The following NBEA variants were observed in gnomAD, a reference collection of about 807,000 sequenced individuals.
NBEA encodes the protein lysosomal-trafficking regulator 2.
Under a neutral mutation model 343.4 loss-of-function variants are expected in NBEA, and 44 were observed. The observed-to-expected ratio is 0.13, with a 90% CI of 0.10 to 0.16. NBEA has a LOEUF of 0.16. Among genes scored for constraint, NBEA ranks in the 10% least tolerant of loss-of-function variants. The probability of loss-of-function intolerance (pLI) is 1.00; values close to 1 mark genes in which losing one functional copy is unlikely to be tolerated. For missense variants in NBEA, 2,555 were observed against 3,631.3 expected (o/e 0.70, Z 7.62); for synonymous variants, 1,175 against 1,238.7 (o/e 0.95, Z 1.08).
intron 41 of NBEA, among the ~76,000 whole-genome samples, chr13:35,529,240 A>G (rs1276825726): frequency 1.3e-5 from 2 of 152,156 alleles, no homozygotes; most frequent in African/African-American, 4.8e-5. Context: ...CTAACTTCAT[A>G]TTTTCAGTAG....
At chr13:35,093,194 A>G (rs562532265) in intron 10 of NBEA, among the ~76,000 whole-genome samples, 3 of 151,998 alleles carry the variant, frequency 2.0e-5, no homozygotes, top group Non-Finnish European at 4.4e-5. Context: ...AGGTGTGGCT[A>G]TAAAGCTGAA....
chr13:35,272,821 G>A (rs1321352303), intron 34 of NBEA, among the ~76,000 whole-genome samples: 2 of 152,024 alleles, frequency 1.3e-5, no homozygotes, highest in African/African-American at 2.4e-5. Context: ...AAATATATAC[G>A]TGCCCAATAT....
chr13:35,295,461 AT>A (rs2036063719), intron 35 of NBEA, among the ~76,000 whole-genome samples: 1 of 152,042 alleles, frequency 6.6e-6, no homozygotes, highest in African/African-American at 2.4e-5. Context: ...AAGGGGTCAA[AT>A]TTGGGCATTT....
chr13:35,639,270 A>G (rs1394401665), intron 49 of NBEA, among the ~76,000 whole-genome samples: 2 of 152,212 alleles, frequency 1.3e-5, no homozygotes, highest in Admixed American at 1.3e-4. Flanking sequence ...TTATAAAGCA[A>G]GAAACAACAA....
At chr13:35,579,998 T>G (rs9600981) in intron 45 of NBEA, among the ~76,000 whole-genome samples, 16,211 of 152,138 alleles carry the variant, frequency 0.11, 1,061 homozygotes, top group African/African-American at 0.18. Flanking sequence ...GAATGTGAAT[T>G]TTTTTACATT....
In NBEA at chr13:35,113,883, G is replaced by C. The variant is rs2066360181; in HGVS notation, c.2002+2905G>C. ...TTCATGGATTTAGTCCTAGGGCTGT[G>C]GTTTGTCTGTCTCCTGGGTTGTATC... On this transcript the variant is annotated intron_variant, in intron 13 of 58. Coordinates refer to ENST00000379939, the MANE Select transcript of NBEA (RefSeq NM_001385012.1). Among the ~76,000 whole-genome samples the C allele has an allele frequency of 2.0e-5, 3 of 152,230 alleles. 1 individual carries two copies. The South Asian group carries it at 6.2e-4, about 32-fold the overall frequency.
rs572782950 is a variant in NBEA, at chr13:34,997,343, C to T, written c.295-43590C>T. On this transcript the variant is annotated intron_variant, in intron 1 of 58. Transcript: ENST00000379939. ...CTGGGCTCTCCATGAGGGAACAATTCGAATAGATGGTTTGTAACGTCTTTT... is the reference window on the plus strand; with the variant it reads ...CTGGGCTCTCCATGAGGGAACAATTTGAATAGATGGTTTGTAACGTCTTTT... Among the ~76,000 whole-genome samples, 324 of 152,242 alleles carry T rather than the reference C, an allele frequency of 2.1e-3. 1 individual carries two copies. Among genetic ancestry groups the T allele is most frequent in the Non-Finnish European group, 3.8e-3 (260 of 67,988 alleles).
rs188776768 is a variant in NBEA, at chr13:35,333,651, T to A, written c.5904-15457T>A. Among the ~76,000 whole-genome samples the A allele has an allele frequency of 8.4e-3, 1,277 of 152,248 alleles. 17 individuals are homozygous for A. Among genetic ancestry groups the A allele is most frequent in the Non-Finnish European group, 9.7e-3 (661 of 68,006 alleles). ...GGCCTTATTCATTCTTTCTAATTAA[T>A]TTTTTTGTACCATTAACCACCCCTA... On this transcript the variant is annotated intron_variant, in intron 36 of 58. Transcript: ENST00000379939.
chr13:34,986,262 G>A (rs751246713), intron 1 of NBEA, among the ~76,000 whole-genome samples: 11 of 150,670 alleles, frequency 7.3e-5, no homozygotes, highest in Admixed American at 2.7e-4. Context: ...TTCAAAGAAC[G>A]TCTTTATTTC....
intron 41 of NBEA, among the ~76,000 whole-genome samples, chr13:35,533,963 G>C (rs1241263147): frequency 6.6e-6 from 1 of 152,130 alleles, no homozygotes; most frequent in Non-Finnish European, 1.5e-5. Context: ...GGAGAGCAAA[G>C]TTTTAATAAC....
chr13:35,474,190 G>C (rs989047849), intron 41 of NBEA: 8 of 152,556 alleles, frequency 5.2e-5, no homozygotes, highest in African/African-American at 1.4e-4. Context: ...AATTTAAAGT[G>C]AGACACAACA....
intron 6 of NBEA, among the ~76,000 whole-genome samples, chr13:35,054,851 C>T (rs1318759930): frequency 1.3e-5 from 2 of 151,852 alleles, no homozygotes; most frequent in African/African-American, 2.4e-5. Context: ...ACCATGTTGG[C>T]CAGCCTGGTC....
Position 35,619,676 on chromosome 13 carries a change from A to T in NBEA, c.7450-8405A>T, listed in dbSNP as rs140246458. On this transcript the variant is annotated intron_variant, in intron 48 of 58. Coordinates refer to ENST00000379939, the MANE Select transcript of NBEA (RefSeq NM_001385012.1). The stretch of plus-strand genomic sequence containing the variant: ...CCCAATTCCCTAGCTTGAGACTCTC[A>T]ACTGCATTCAGGTGTGTCTGCCATA... 3.2e-3 allele frequency among the ~76,000 whole-genome samples: 488 copies of T among 152,206 alleles called. 3 individuals carry two copies. Among genetic ancestry groups the T allele is most frequent in the African/African-American group, 0.011 (471 of 41,538 alleles).
At chr13:35,111,503 C>T (rs1258042159) in intron 13 of NBEA, among the ~76,000 whole-genome samples, 1 of 151,640 alleles carries the variant, frequency 6.6e-6, no homozygotes, top group Non-Finnish European at 1.5e-5. Context: ...AGAATAATTA[C>T]TGATATGATT....
At chr13:35,660,890 A>T (rs2085059762) in intron 55 of NBEA, among the ~76,000 whole-genome samples, 1 of 152,248 alleles carries the variant, frequency 6.6e-6, no homozygotes, top group African/African-American at 2.4e-5. Flanking sequence ...GTAAGATCAG[A>T]GGAAGTGTAG....
intron 30 of NBEA, among the ~76,000 whole-genome samples, chr13:35,194,215 T>G (rs1475237019): frequency 6.6e-6 from 1 of 152,034 alleles, no homozygotes; most frequent in African/African-American, 2.4e-5. Flanking sequence ...CCCTTCATAT[T>G]GTTTTTAATT....
intron 12 of NBEA, among the ~76,000 whole-genome samples, chr13:35,110,031 C>A (rs2066109599): frequency 8.4e-6 from 1 of 119,014 alleles, no homozygotes. Context: ...ATTTTGACAA[C>A]TCTTTTTTTT....
At chr13:35,320,200 T>C (rs12430277) in intron 36 of NBEA, among the ~76,000 whole-genome samples, 2,163 of 152,362 alleles carry the variant, frequency 0.014, 85 homozygotes, top group Admixed American at 0.083. Flanking sequence ...CGATGGACTT[T>C]ACAATTTGGT....
chr13:35,421,222 C>T (rs368023096), intron 38 of NBEA, among the ~76,000 whole-genome samples: 27 of 151,962 alleles, frequency 1.8e-4, no homozygotes, highest in African/African-American at 6.5e-4. Context: ...GGTTTTCCCT[C>T]GAGAATTCTT....
Sources: allele counts gnomAD v4.1 joint callset (sites outside exome capture counted in the v4.1 genomes callset), GRCh38; gene constraint gnomAD v4.1.1; transcripts MANE v1.5; gene names NCBI Gene and HGNC (gene_info 2026-07-23, HGNC 2026-07-21).